MARCHF1: variants seen among roughly 807,000 people sequenced by gnomAD.
MARCHF1 encodes membrane associated ring-CH-type finger 1.
A neutral mutation model predicts 54.2 loss-of-function variants in MARCHF1; 40 were observed. The ratio of observed to expected loss-of-function variants is 0.74; its 90% CI spans 0.57 to 0.96. MARCHF1 has a LOEUF of 0.96. Ranked by LOEUF, MARCHF1 falls within the 40% of genes least tolerant of loss-of-function variation. The pLI is 0.00. For missense variants in MARCHF1, 586 were observed against 656.5 expected, an observed-to-expected ratio of 0.89 and a Z score of 1.17; for synonymous variants, 236 against 236.3, an observed-to-expected ratio of 1.00 and a Z score of 0.01.
chr4:164,336,554 C>T (rs961522994), intron 1 of MARCHF1, among the ~76,000 whole-genome samples: 1 of 152,074 alleles, frequency 6.6e-6, no homozygotes, highest in African/African-American at 2.4e-5. Flanking sequence ...GAATCAGTAA[C>T]CAGTATATTG....
At position 163,524,829 on chromosome 4, in the gene MARCHF1, G is replaced by A. The variant is rs1738042870; in HGVS notation, c.*3919C>T. The A allele has an allele frequency of 1.3e-5, 2 of 152,144 alleles. No homozygotes were observed. Among genetic ancestry groups the A allele is most frequent in the South Asian group, 4.1e-4 (2 of 4,832 alleles). The allele number at this position is 152,144 out of a possible 1,614,324, so 9.4% of individuals were successfully genotyped here. On this transcript the variant is annotated 3_prime_UTR_variant, in exon 10 of 10. Transcript: ENST00000514618. ...ACAAAACAGTAAATTGTTAATGCAA[G>A]AGAATTATGTAAAACCAAAATAGTA...
intron 4 of MARCHF1, among the ~76,000 whole-genome samples, chr4:163,823,524 A>G (rs1452101832): frequency 6.6e-6 from 1 of 151,888 alleles, no homozygotes; most frequent in Non-Finnish European, 1.5e-5. Context: ...AAGAACTATT[A>G]CGTATAATTT....
At chr4:163,659,792 C>T (rs1002395241) in intron 5 of MARCHF1, among the ~76,000 whole-genome samples, 7 of 151,910 alleles carry the variant, frequency 4.6e-5, no homozygotes, top group Admixed American at 1.3e-4. Flanking sequence ...AACAAACATA[C>T]GGAAAAAAGC....
At chr4:164,050,343 C>T (rs1318695832) in intron 2 of MARCHF1, among the ~76,000 whole-genome samples, 2 of 145,922 alleles carry the variant, frequency 1.4e-5, no homozygotes, top group African/African-American at 2.5e-5. Context: ...CCTCCCACTG[C>T]ATTCTCTATT....
At chr4:164,331,263 T>TA (rs1157172257) in intron 1 of MARCHF1, among the ~76,000 whole-genome samples, 1 of 151,824 alleles carries the variant, frequency 6.6e-6, no homozygotes, top group Non-Finnish European at 1.5e-5. Context: ...TAAGTTACAT[T>TA]AAAAAAAAGT....
chr4:163,960,121 A>C (rs779162882), intron 3 of MARCHF1, among the ~76,000 whole-genome samples: 2 of 152,066 alleles, frequency 1.3e-5, no homozygotes, highest in Non-Finnish European at 2.9e-5. Context: ...ATCTCACACC[A>C]GTCAGAATGT....
intron 8 of MARCHF1, among the ~76,000 whole-genome samples, chr4:163,552,516 A>C (rs149292595): frequency 1.3e-5 from 2 of 152,192 alleles, no homozygotes; most frequent in African/African-American, 4.8e-5. Flanking sequence ...CAATGGCTTC[A>C]TTTTGCTACC....
chr4:163,972,330 C>A (rs1422078863), intron 3 of MARCHF1, among the ~76,000 whole-genome samples: 2 of 151,740 alleles, frequency 1.3e-5, no homozygotes, highest in South Asian at 2.1e-4. Flanking sequence ...ACATGTATCC[C>A]AGAACTTAAA....
intron 1 of MARCHF1, among the ~76,000 whole-genome samples, chr4:164,241,965 T>TC (rs1047085918): frequency 6.6e-6 from 1 of 152,156 alleles, no homozygotes; most frequent in Non-Finnish European, 1.5e-5. Flanking sequence ...CACACCTGGC[T>TC]CGGAGGGTCC....
At chr4:163,559,762 GT>G (rs1178466778) in intron 8 of MARCHF1, among the ~76,000 whole-genome samples, 4 of 152,172 alleles carry the variant, frequency 2.6e-5, no homozygotes, top group African/African-American at 7.2e-5. Context: ...GCAGAGGAGT[GT>G]CCCCTTCCTT....
intron 2 of MARCHF1, among the ~76,000 whole-genome samples, chr4:164,033,173 C>CG (rs755227624): frequency 4.2e-5 from 6 of 143,232 alleles, no homozygotes; most frequent in African/African-American, 7.8e-5. Flanking sequence ...GACTCCATCT[C>CG]GGGAAAAAAA....
Position 164,083,657 on chromosome 4 carries a change from C to G in MARCHF1, c.-248+27931G>C, listed in dbSNP as rs146619466. The stretch of plus-strand genomic sequence containing the variant: ...TCACGGCATTCCCTCCAAATCTATG[C>G]TGCATCTTGGTTAGATCTTTGAAGA... On this transcript the variant is annotated intron_variant, in intron 2 of 9. Coordinates refer to ENST00000514618, the MANE Select transcript of MARCHF1 (RefSeq NM_001394959.1). Among the ~76,000 whole-genome samples the G allele has an allele frequency of 2.5e-3, 375 of 152,214 alleles. 3 individuals carry two copies. The highest frequency in any genetic ancestry group is 8.3e-3 in the African/African-American group (343 of 41,554).
intron 1 of MARCHF1, among the ~76,000 whole-genome samples, chr4:164,323,597 C>CAAAAA (rs70952622): frequency 1.3e-4 from 4 of 30,944 alleles, no homozygotes; most frequent in African/African-American, 1.5e-4. Flanking sequence ...GGATGAGTAG[C>CAAAAA]AAAAAAAAAA....
intron 5 of MARCHF1, among the ~76,000 whole-genome samples, chr4:163,688,978 A>T (rs1467126215): frequency 6.6e-6 from 1 of 152,160 alleles, no homozygotes; most frequent in Non-Finnish European, 1.5e-5. Flanking sequence ...TGCTTGGTAT[A>T]ATATGACAGA....
intron 4 of MARCHF1, among the ~76,000 whole-genome samples, chr4:163,753,244 C>A (rs1033928349): frequency 1.3e-5 from 2 of 151,702 alleles, no homozygotes; most frequent in Non-Finnish European, 2.9e-5. Flanking sequence ...TTTCCTGAAC[C>A]TACGATTGCT....
chr4:163,630,608 A>T (rs1742039781), intron 5 of MARCHF1, among the ~76,000 whole-genome samples: 1 of 152,212 alleles, frequency 6.6e-6, no homozygotes, highest in Non-Finnish European at 1.5e-5. Context: ...AATAAATTTG[A>T]TAAGAATAAA....
At chr4:164,278,305 G>A (rs1733937893) in intron 1 of MARCHF1, among the ~76,000 whole-genome samples, 2 of 152,158 alleles carry the variant, frequency 1.3e-5, no homozygotes, top group South Asian at 2.1e-4. Flanking sequence ...GTAAGACCCT[G>A]TCTCAAAAAC....
chr4:163,872,965 AC>A (rs1223493289), intron 3 of MARCHF1, among the ~76,000 whole-genome samples: 1 of 151,938 alleles, frequency 6.6e-6, no homozygotes, highest in Non-Finnish European at 1.5e-5. Context: ...AATGGCGTGA[AC>A]CCTGGAGGCG....
At chr4:164,210,891 C>G (rs530507648) in intron 1 of MARCHF1, among the ~76,000 whole-genome samples, 9 of 152,108 alleles carry the variant, frequency 5.9e-5, no homozygotes, top group Non-Finnish European at 1.0e-4. Flanking sequence ...GAAAGAAATA[C>G]TATCATTTAT....
Sources: allele counts gnomAD v4.1 joint callset (sites outside exome capture counted in the v4.1 genomes callset), GRCh38; gene constraint gnomAD v4.1.1; transcripts MANE v1.5; gene names NCBI Gene and HGNC (gene_info 2026-07-23, HGNC 2026-07-21).